TMC2: variants seen among roughly 807,000 people sequenced by gnomAD.
TMC2 encodes the protein transmembrane channel-like protein 2.
Under a neutral mutation model 105.9 loss-of-function variants are expected in TMC2, and 102 were observed. That is an observed-to-expected ratio of 0.96 (90% confidence interval 0.82 to 1.14). The LOEUF (loss-of-function observed/expected upper bound fraction) is 1.14. Ranked by LOEUF, TMC2 falls within the 50% of genes most tolerant of loss-of-function variation. The pLI is 0.00. For missense variants in TMC2, 1,093 were observed against 1,134.3 expected (o/e 0.96, Z 0.52); for synonymous variants, 402 against 422.8 (o/e 0.95, Z 0.60).
At chr20:2,613,102 G>T in intron 13 of TMC2, 92 bp from the exon 14 acceptor site, 1 of 1,503,490 alleles carries the variant, frequency 6.7e-7, no homozygotes, top group African/African-American at 1.4e-5. Context: ...GTGGGTGGGG[G>T]AGAGTTTATT....
At chr20:2,585,685 C>T (rs1054852672) in intron 7 of TMC2, among the ~76,000 whole-genome samples, 5 of 152,196 alleles carry the variant, frequency 3.3e-5, no homozygotes, top group Non-Finnish European at 7.3e-5. Flanking sequence ...CTGCTTCCAA[C>T]CTTACTTATG....
At chr20:2,590,110 A>G (rs2086258870) in intron 7 of TMC2, among the ~76,000 whole-genome samples, 1 of 152,220 alleles carries the variant, frequency 6.6e-6, no homozygotes, top group Non-Finnish European at 1.5e-5. Context: ...ACAAATGTCA[A>G]TATCAATGAA....
chr20:2,641,518 A>C lies in TMC2; in HGVS notation c.*167A>C. The C allele has an allele frequency of 1.7e-6, 1 of 597,438 alleles. No homozygotes were observed. The highest frequency in any genetic ancestry group is 3.0e-6 in the Non-Finnish European group (1 of 336,186). 37.0% of individuals were successfully genotyped at this position (597,438 alleles called of 1,614,324 possible). Reference sequence around the variant, plus strand: ...CCTTCAGGCCCTTGTCAGCTACCGAAGGAGGAAGACAGTGGCTTCACCTGT... The same window carrying C: ...CCTTCAGGCCCTTGTCAGCTACCGACGGAGGAAGACAGTGGCTTCACCTGT... On this transcript the variant is annotated 3_prime_UTR_variant, in exon 20 of 20. Transcript: ENST00000358864.
rs544224079 is a variant in TMC2, at chr20:2,617,078, C to A, written c.1947C>A (p.Gly649=). 2.5e-6 allele frequency: 4 copies of A among 1,614,182 alleles called. No individual in the cohort carries two copies. In the South Asian group the frequency reaches 3.3e-5, roughly 13 times the overall value. ...LIFNQGMIWM[G]SFYAPGLVGI... ...TTGGTTTCTGCCATTCCAGGATGGG[C>A]TCCTTCTATGCTCCAGGCCTGGTGG... The change falls in exon 16 of 20, where the codon GGC becomes GGA. Residue 649 remains glycine (G), a synonymous_variant. Coordinates refer to ENST00000358864, the MANE Select transcript of TMC2 (RefSeq NM_080751.3).
chr20:2,590,923 A>G (rs1019738270), intron 7 of TMC2, among the ~76,000 whole-genome samples: 1 of 152,162 alleles, frequency 6.6e-6, no homozygotes, highest in Non-Finnish European at 1.5e-5. Context: ...AATAACTAGT[A>G]ATACATTTAA....
chr20:2,641,199 T>C lies in TMC2; in HGVS notation c.2569T>C (p.Ser857Pro). The stretch of plus-strand genomic sequence containing the variant: ...CAAGAAGGCGCAGGGCCCTGGGACC[T>C]CCAATTCTGCCAGCAGGACCACACT... ...MDKKAQGPGT[S>P]NSASRTTLPA... The change falls in exon 20 of 20, where the codon TCC becomes CCC. Residue 857 changes from serine to proline, a missense_variant. By Grantham distance (74) the Ser-to-Pro change is moderately conservative. Coordinates refer to ENST00000358864, the MANE Select transcript of TMC2 (RefSeq NM_080751.3). The C allele has an allele frequency of 6.2e-7, 1 of 1,614,098 alleles. No individual in the cohort carries two copies. The highest frequency in any genetic ancestry group is 8.5e-7 in the Non-Finnish European group (1 of 1,180,018).
Position 2,541,081 on chromosome 20 carries a change from C to G in TMC2, c.82+3765C>G, listed in dbSNP as rs186586648. On this transcript the variant is annotated intron_variant, in intron 2 of 19. Coordinates refer to ENST00000358864, the MANE Select transcript of TMC2 (RefSeq NM_080751.3). ...CTCCTAACTTGCTACCACAATCACC[C>G]CCTCCATTTCTCTACCCACTTCTTC... is the stretch of plus-strand genomic sequence containing the variant. Among the ~76,000 whole-genome samples, 453 of 152,252 alleles carry G rather than the reference C, an allele frequency of 3.0e-3. 3 individuals carry two copies. Among genetic ancestry groups the G allele is most frequent in the African/African-American group, 0.011 (439 of 41,522 alleles).
chr20:2,641,358 G>A lies in TMC2; in HGVS notation c.*7G>A, dbSNP rs762058464. On this transcript the variant is annotated 3_prime_UTR_variant, in exon 20 of 20. Transcript: ENST00000358864. ...TCAGAGACCTCCCCACTGATGGCTAGGACTCCAGGGAGCCTCGACCCTAGG... is the reference window on the plus strand; with the variant it reads ...TCAGAGACCTCCCCACTGATGGCTAAGACTCCAGGGAGCCTCGACCCTAGG... The A allele has an allele frequency of 4.4e-6, 7 of 1,596,048 alleles. No homozygotes were observed. The Admixed American group carries it at 5.0e-5, about 11-fold the overall frequency.
chr20:2,614,328 A>G (rs776375424), intron 14 of TMC2, among the ~76,000 whole-genome samples: 7 of 152,246 alleles, frequency 4.6e-5, no homozygotes, highest in Non-Finnish European at 8.8e-5. Flanking sequence ...GAATAAGGCC[A>G]GGTATGGTGG....
Position 2,616,231 on chromosome 20 carries a change from C to T in TMC2, c.1940+27C>T, listed in dbSNP as rs779393448. 7 of 1,593,710 alleles carry T rather than the reference C, an allele frequency of 4.4e-6. No individual in the cohort carries two copies. Among genetic ancestry groups the T allele is most frequent in the South Asian group, 3.3e-5 (3 of 90,622 alleles). On this transcript the variant is annotated intron_variant, in intron 15 of 19. Coordinates refer to ENST00000358864, the MANE Select transcript of TMC2 (RefSeq NM_080751.3). The surrounding 1 kb of genome is among the most constrained non-coding windows in gnomAD (Gnocchi z 4.8). The stretch of plus-strand genomic sequence containing the variant: ...TGAGTTATCCATTTCATCTGGTGAT[C>T]GCCTCATCCAAGGAGTCAAAAAACT...
intron 14 of TMC2, among the ~76,000 whole-genome samples, chr20:2,615,308 G>A (rs11907471): frequency 2.6e-5 from 4 of 152,198 alleles, no homozygotes; most frequent in Admixed American, 1.3e-4. Flanking sequence ...GCAACAGAGC[G>A]AGACTCCGTC....
chr20:2,558,758 C>A lies in TMC2; in HGVS notation c.385C>A (p.Arg129=). 6.4e-7 allele frequency: 1 copy of A among 1,553,346 alleles called. No homozygotes were observed. Among genetic ancestry groups the A allele is most frequent in the Non-Finnish European group, 8.7e-7 (1 of 1,152,000 alleles). Residue 129 remains arginine (R), a synonymous_variant, in exon 3 of 20, where the codon CGG becomes AGG. Coordinates refer to ENST00000358864, the MANE Select transcript of TMC2 (RefSeq NM_080751.3). The surrounding 1 kb of genome is among the most constrained non-coding windows in gnomAD (Gnocchi z 4.6). ...EIPRREEKSK[R]QKKPRSSSLA... is the part of the protein sequence containing the mutation. ...TCCGAGGAGGGAGGAGAAGTCGAAG[C>A]GGCAGAAGAAACCCAGGTGTGTTGT...
intron 11 of TMC2, among the ~76,000 whole-genome samples, chr20:2,606,927 C>T: frequency 1.0e-5 from 1 of 97,478 alleles, no homozygotes; most frequent in African/African-American, 5.0e-5. Flanking sequence ...TTCTGTCACC[C>T]TTTTTCTGGG....
At chr20:2,550,539 C>CA (rs1335908124) in intron 2 of TMC2, among the ~76,000 whole-genome samples, 1 of 152,090 alleles carries the variant, frequency 6.6e-6, no homozygotes, top group Admixed American at 6.6e-5. Flanking sequence ...TTATAGATTC[C>CA]ATAGGTTTTG....
At position 2,641,438 on chromosome 20, in the gene TMC2, C is replaced by G; in HGVS notation, c.*87C>G. On this transcript the variant is annotated 3_prime_UTR_variant, in exon 20 of 20. Coordinates refer to ENST00000358864, the MANE Select transcript of TMC2 (RefSeq NM_080751.3). ...ATACCAAACCAAGGTTCTCTCCCCTCTTTCCTCTCACATACATGCTCTGTC... is the reference window on the plus strand; with the variant it reads ...ATACCAAACCAAGGTTCTCTCCCCTGTTTCCTCTCACATACATGCTCTGTC... The G allele has an allele frequency of 1.3e-6, 1 of 779,888 alleles. No homozygotes were observed. The highest frequency in any genetic ancestry group is 2.1e-6 in the Non-Finnish European group (1 of 473,500). The allele number at this position is 779,888 out of a possible 1,614,324, so 48.3% of individuals were successfully genotyped here.
chr20:2,548,561 C>T (rs1029705005), intron 2 of TMC2, among the ~76,000 whole-genome samples: 1 of 151,712 alleles, frequency 6.6e-6, no homozygotes, highest in South Asian at 2.1e-4. Flanking sequence ...TTGCTTGAAC[C>T]CAGGAGGCGG....
chr20:2,544,947 G>T (rs2085913470), intron 2 of TMC2, among the ~76,000 whole-genome samples: 1 of 151,450 alleles, frequency 6.6e-6, no homozygotes, highest in South Asian at 2.1e-4. Flanking sequence ...TGTAGTCCTA[G>T]CTATTCAAGA....
At chr20:2,554,780 A>G (rs568808729) in intron 2 of TMC2, among the ~76,000 whole-genome samples, 39 of 151,944 alleles carry the variant, frequency 2.6e-4, no homozygotes, top group African/African-American at 8.9e-4. Context: ...GTCTAATTCC[A>G]TTATGATCTG....
intron 17 of TMC2, among the ~76,000 whole-genome samples, chr20:2,627,837 A>G (rs1208029822): frequency 1.4e-4 from 22 of 152,148 alleles, no homozygotes; most frequent in Admixed American, 1.4e-3. Context: ...TAGCACCAAA[A>G]CAACAACAAA....
Sources: allele counts gnomAD v4.1 joint callset (sites outside exome capture counted in the v4.1 genomes callset), GRCh38; gene constraint gnomAD v4.1.1; non-coding constraint Gnocchi (gnomAD v3.1); transcripts MANE v1.5; gene names NCBI Gene and HGNC (gene_info 2026-07-23, HGNC 2026-07-21).